PHF24: variants seen among roughly 807,000 people sequenced by gnomAD.
The protein encoded by PHF24 is PHD finger protein 24.
A neutral mutation model predicts 42.6 loss-of-function variants in PHF24; 25 were observed. The observed-to-expected ratio is 0.59, with a 90% CI of 0.43 to 0.82. The LOEUF (loss-of-function observed/expected upper bound fraction) is 0.82, where lower values mean the gene tolerates loss of function less well. PHF24 is among the 40% of genes least tolerant of loss of function. The pLI is 0.00. For missense variants in PHF24, 470 were observed against 538.1 expected (o/e 0.87, Z 1.25); for synonymous variants, 185 against 204.8 (o/e 0.90, Z 0.83).
At chr9:34,846,439 T>A in the PHF24 span, among the ~76,000 whole-genome samples, 3 of 151,986 alleles carry the variant, frequency 2.0e-5, no homozygotes, top group Non-Finnish European at 1.5e-5. Flanking sequence ...CACTTTTTGA[T>A]GGGGTTGTTT....
chr9:34,749,326 A>G, the PHF24 span, among the ~76,000 whole-genome samples: 96 of 152,310 alleles, frequency 6.3e-4, 2 homozygotes, highest in Non-Finnish European at 2.2e-4. Context: ...CCCCAAACCT[A>G]GAGAAAGACA....
At chr9:34,716,791 A>G in the PHF24 span, among the ~76,000 whole-genome samples, 1 of 151,856 alleles carries the variant, frequency 6.6e-6, no homozygotes, top group African/African-American at 2.4e-5. Context: ...TTTTTTTTGT[A>G]GAAAGGGGGT....
the PHF24 span, among the ~76,000 whole-genome samples, chr9:34,788,971 T>A: frequency 6.6e-6 from 1 of 152,092 alleles, no homozygotes; most frequent in Non-Finnish European, 1.5e-5. Context: ...ACTGGTGCAT[T>A]AAGTATAGAT....
chr9:34,823,466 G>C, the PHF24 span, among the ~76,000 whole-genome samples: 1 of 152,120 alleles, frequency 6.6e-6, no homozygotes, highest in African/African-American at 2.4e-5. Context: ...GCACCTTCGG[G>C]TCCCATCCTT....
At chr9:34,785,676 C>T in the PHF24 span, among the ~76,000 whole-genome samples, 1 of 152,162 alleles carries the variant, frequency 6.6e-6, no homozygotes, top group Admixed American at 6.5e-5. Flanking sequence ...AGTCTGCCAC[C>T]AAGTTCTTAG....
the PHF24 span, among the ~76,000 whole-genome samples, chr9:34,836,662 A>T: frequency 6.6e-6 from 1 of 152,206 alleles, no homozygotes; most frequent in Non-Finnish European, 1.5e-5. Context: ...AACTAAAGGA[A>T]GTATTATCAG....
chr9:34,793,195 GGAA>G, the PHF24 span, among the ~76,000 whole-genome samples: 1 of 151,856 alleles, frequency 6.6e-6, no homozygotes, highest in Admixed American at 6.6e-5. Flanking sequence ...ATTTAACTCT[GGAA>G]GAAGACTTTC....
At chr9:34,681,048 G>C in the PHF24 span, 1 of 152,316 alleles carries the variant, frequency 6.6e-6, no homozygotes, top group Middle Eastern at 3.4e-3. Flanking sequence ...GTCACTTGTG[G>C]ACAAAAACAT....
exon 5 of PHF24, chr9:34,976,587 G>A (rs756397969): frequency 4.3e-6 from 7 of 1,614,062 alleles, no homozygotes; most frequent in Non-Finnish European, 5.9e-6. Context: ...AAGCAGCCAA[G>A]CGGGGGGACC....
chr9:34,972,215 T>A, intron 2 of PHF24, 131 bp from the exon 3 acceptor site: 1 of 745,250 alleles, frequency 1.3e-6, no homozygotes, highest in Non-Finnish European at 2.1e-6. Context: ...AACAATGGCT[T>A]CAGTTGGGGC....
chr9:34,711,074 C>T, the PHF24 span, among the ~76,000 whole-genome samples: 1 of 152,142 alleles, frequency 6.6e-6, no homozygotes, highest in Non-Finnish European at 1.5e-5. Flanking sequence ...GGTATATAAA[C>T]ATTTTGCTCG....
chr9:34,776,190 A>G, the PHF24 span, among the ~76,000 whole-genome samples: 1 of 152,300 alleles, frequency 6.6e-6, no homozygotes, highest in Non-Finnish European at 1.5e-5. Flanking sequence ...CAAAATTCTG[A>G]ACATACTAAA....
At chr9:34,837,230 A>G in the PHF24 span, 2 of 420,958 alleles carry the variant, frequency 4.8e-6, no homozygotes, top group South Asian at 1.8e-5. Flanking sequence ...GAAGACACTG[A>G]GAACCCTAAT....
the PHF24 span, chr9:34,728,186 A>T: frequency 9.5e-7 from 1 of 1,049,806 alleles, no homozygotes; most frequent in South Asian, 1.6e-5. Flanking sequence ...AAAAGACTAC[A>T]ATCCTGAAAA....
chr9:34,849,791 T>G, the PHF24 span, among the ~76,000 whole-genome samples: 2 of 152,154 alleles, frequency 1.3e-5, no homozygotes, highest in Non-Finnish European at 2.9e-5. Flanking sequence ...TTTTAGGGCA[T>G]GCCTGGTGGT....
chr9:34,805,504 T>C, the PHF24 span, among the ~76,000 whole-genome samples: 1 of 152,264 alleles, frequency 6.6e-6, no homozygotes, highest in African/African-American at 2.4e-5. Context: ...TTGTATAACT[T>C]ATTTTTGAGA....
chr9:34,932,913 G>A, the PHF24 span, among the ~76,000 whole-genome samples: 4 of 150,908 alleles, frequency 2.7e-5, no homozygotes. Context: ...AACTCCACTA[G>A]AATGTGAGCC....
At chr9:34,838,000 A>G in the PHF24 span, among the ~76,000 whole-genome samples, 1 of 152,204 alleles carries the variant, frequency 6.6e-6, no homozygotes, top group Admixed American at 6.5e-5. Context: ...ATGTGGTTCT[A>G]ATACCTAAAG....
At chr9:34,826,492 A>G in the PHF24 span, among the ~76,000 whole-genome samples, 1 of 152,274 alleles carries the variant, frequency 6.6e-6, no homozygotes, top group South Asian at 2.1e-4. Flanking sequence ...CAGTGTCTCC[A>G]TGGAGTCTAT....
Sources: allele counts gnomAD v4.1 joint callset (sites outside exome capture counted in the v4.1 genomes callset), GRCh38; gene constraint gnomAD v4.1.1; transcripts MANE v1.5; gene names NCBI Gene and HGNC (gene_info 2026-07-23, HGNC 2026-07-21).